Variants in FTO observed in about 807,000 individuals in gnomAD.
FTO encodes alpha-ketoglutarate-dependent dioxygenase FTO.
In FTO, 47 loss-of-function variants were observed where a neutral mutation model predicts 63.9. The ratio of observed to expected loss-of-function variants is 0.74; its 90% CI spans 0.58 to 0.94. FTO has a LOEUF of 0.94. Ranked by LOEUF, FTO falls within the 40% of genes least tolerant of loss-of-function variation. The probability of loss-of-function intolerance (pLI) is 0.00; values close to 1 mark genes in which losing one functional copy is unlikely to be tolerated. For missense variants in FTO, 562 were observed against 618.1 expected (o/e 0.91, Z 0.96); for synonymous variants, 207 against 224.4 (o/e 0.92, Z 0.69).
chr16:54,018,772 A>C (rs1327437583), intron 8 of FTO, among the ~76,000 whole-genome samples: 2 of 152,148 alleles, frequency 1.3e-5, no homozygotes, highest in Non-Finnish European at 2.9e-5. Flanking sequence ...CATGATTGTA[A>C]GTTTCCTGAG....
intron 8 of FTO, among the ~76,000 whole-genome samples, chr16:53,962,579 G>A (rs1172852102): frequency 6.6e-6 from 1 of 152,180 alleles, no homozygotes; most frequent in Non-Finnish European, 1.5e-5. Flanking sequence ...CAAATTTAGG[G>A]ACAGTCCACA....
intron 1 of FTO, among the ~76,000 whole-genome samples, chr16:53,737,945 GTTCT>G (rs1467742435): frequency 2.0e-5 from 3 of 151,280 alleles, no homozygotes; most frequent in East Asian, 1.9e-4. Flanking sequence ...GAATGTATAA[GTTCT>G]TTCTTTCTTT....
chr16:54,021,443 T>C (rs1162876774), intron 8 of FTO, among the ~76,000 whole-genome samples: 1 of 151,646 alleles, frequency 6.6e-6, no homozygotes, highest in Non-Finnish European at 1.5e-5. Flanking sequence ...GGCCATTAGA[T>C]TACATGGCCT....
intron 8 of FTO, among the ~76,000 whole-genome samples, chr16:54,055,690 A>C (rs1251294993): frequency 6.6e-6 from 1 of 152,250 alleles, no homozygotes; most frequent in African/African-American, 2.4e-5. Flanking sequence ...AAAACAAAAC[A>C]GAAACAGAAA....
chr16:54,005,778 G>A (rs1409091862), intron 8 of FTO, among the ~76,000 whole-genome samples: 6 of 152,142 alleles, frequency 3.9e-5, no homozygotes, highest in Admixed American at 1.3e-4. Flanking sequence ...GGACTGGAGC[G>A]GAATTTGGTT....
At chr16:54,078,408 C>T (rs1285994055) in intron 8 of FTO, among the ~76,000 whole-genome samples, 1 of 145,084 alleles carries the variant, frequency 6.9e-6, no homozygotes, top group African/African-American at 2.5e-5. Context: ...TTATAATATA[C>T]ATAAATTATA....
In FTO at chr16:53,831,469, A is replaced by T. The variant is rs2079144417; in HGVS notation, c.751+4978A>T. Among the ~76,000 whole-genome samples, 5 of 152,286 alleles carry T rather than the reference A, an allele frequency of 3.3e-5. No individual in the cohort carries two copies. The South Asian group carries it at 1.0e-3, about 32-fold the overall frequency. On this transcript the variant is annotated intron_variant, in intron 3 of 8. Transcript: ENST00000471389. ...CAAGAAGACCAAAGGGGGGGAAAAA[A>T]CTTATTTGATCTACAAAGTTACATT...
At position 53,984,321 on chromosome 16, in the gene FTO, C is replaced by CCTTTTTTT. The variant is rs1555500067; in HGVS notation, c.1364+50212_1364+50213insCTTTTTTT. On this transcript the variant is annotated intron_variant, in intron 8 of 8. Coordinates refer to ENST00000471389, the MANE Select transcript of FTO (RefSeq NM_001080432.3). ...CCTCTATCCCTCCCTTGGAATGGGT[C>CCTTTTTTT]TTTTTTTTTTTTTTTTTTTTTTTTT... 2.1e-4 allele frequency among the ~76,000 whole-genome samples: 14 copies of CCTTTTTTT among 67,318 alleles called. 1 individual carries two copies. The highest frequency in any genetic ancestry group is 7.8e-4 in the African/African-American group (14 of 17,980). 44.2% of individuals were successfully genotyped at this position (67,318 alleles called of 152,430 possible). A position where few individuals can be genotyped will look rare whatever the true frequency, so the allele number is the denominator to read the frequency against.
chr16:53,921,010 A>G lies in FTO; in HGVS notation c.1240-12975A>G, dbSNP rs547353652. 1.4e-4 allele frequency among the ~76,000 whole-genome samples: 21 copies of G among 152,314 alleles called. No individual in the cohort carries two copies. In the South Asian group the frequency reaches 4.1e-3, roughly 30 times the overall value. The stretch of plus-strand genomic sequence containing the variant: ...AGATATATACAAAGGAGTGAATTAT[A>G]ACAAAGAGCCTTTTCTGCTTCAATT... On this transcript the variant is annotated intron_variant, in intron 7 of 8. Coordinates refer to ENST00000471389, the MANE Select transcript of FTO (RefSeq NM_001080432.3).
chr16:54,111,854 C>T lies in FTO; in HGVS notation c.1457C>T (p.Pro486Leu), dbSNP rs776819552. 13 of 1,614,062 alleles carry T rather than the reference C, an allele frequency of 8.1e-6. No homozygotes were observed. The highest frequency in any genetic ancestry group is 3.3e-5 in the South Asian group (3 of 91,080). ...AAGGATGATGCTTCGATGCCTCTGC[C>T]GTTTGACCTCACAGACATCGTTTCA... ...WEKDDASMPL[P>L]FDLTDIVSEL... Residue 486 changes from proline (P) to leucine (L), a missense_variant, in exon 9 of 9, where the codon CCG (proline) becomes CTG (leucine). Pro to Leu is a moderately conservative substitution (Grantham distance 98, BLOSUM62 -3). Coordinates refer to ENST00000471389, the MANE Select transcript of FTO (RefSeq NM_001080432.3).
At chr16:54,093,677 G>A (rs981696266) in intron 8 of FTO, among the ~76,000 whole-genome samples, 1 of 152,178 alleles carries the variant, frequency 6.6e-6, no homozygotes, top group Non-Finnish European at 1.5e-5. Context: ...AGCAGATGTC[G>A]TCCTTTGATT....
At chr16:53,913,215 T>C (rs989528785) in intron 7 of FTO, among the ~76,000 whole-genome samples, 7 of 152,262 alleles carry the variant, frequency 4.6e-5, no homozygotes, top group African/African-American at 1.7e-4. Context: ...GAAACACTTC[T>C]GTCTTGTCAG....
intron 8 of FTO, among the ~76,000 whole-genome samples, chr16:53,978,035 A>T (rs1124803): frequency 0.6 from 90,855 of 151,326 alleles, 28,347 homozygotes; most frequent in East Asian, 0.84. Flanking sequence ...TTTTAAAAAA[A>T]TTTTTTTTGT....
chr16:54,117,657 G>T lies in FTO; in HGVS notation c.*5742G>T, dbSNP rs1405021237. ...TCTTCACAGCTTCCATTTTTCGCTAGGCGGATGGCATGGAACTTTTTATAA... is the reference window on the plus strand; with the variant it reads ...TCTTCACAGCTTCCATTTTTCGCTATGCGGATGGCATGGAACTTTTTATAA... On this transcript the variant is annotated 3_prime_UTR_variant, in exon 9 of 9. Coordinates refer to ENST00000471389, the MANE Select transcript of FTO (RefSeq NM_001080432.3). 1.3e-5 allele frequency: 2 copies of T among 152,100 alleles called. No individual in the cohort carries two copies. Among genetic ancestry groups the T allele is most frequent in the Admixed American group, 6.5e-5 (1 of 15,282 alleles). 9.4% of individuals were successfully genotyped at this position (152,100 alleles called of 1,614,324 possible).
intron 4 of FTO, among the ~76,000 whole-genome samples, chr16:53,862,249 AAAAC>A (rs544358498): frequency 3.7e-4 from 56 of 152,228 alleles, no homozygotes; most frequent in African/African-American, 1.1e-3. Flanking sequence ...TTCATCTCAA[AAAAC>A]AAACAAACAA....
At chr16:53,706,983 A>C (rs2075638604) in intron 1 of FTO, among the ~76,000 whole-genome samples, 1 of 152,236 alleles carries the variant, frequency 6.6e-6, no homozygotes, top group Non-Finnish European at 1.5e-5. Flanking sequence ...GCCCAGGAGT[A>C]GAATTGCTTA....
chr16:53,738,905 A>G (rs2076456848), intron 1 of FTO, among the ~76,000 whole-genome samples: 1 of 151,984 alleles, frequency 6.6e-6, no homozygotes, highest in Non-Finnish European at 1.5e-5. Flanking sequence ...CAGTGGCAAG[A>G]TCATGATTCA....
At chr16:53,883,646 A>AAAAACAAAC (rs1555489016) in intron 6 of FTO, among the ~76,000 whole-genome samples, 1 of 135,768 alleles carries the variant, frequency 7.4e-6, no homozygotes, top group East Asian at 2.3e-4. Context: ...CAAAAAAAAA[A>AAAAACAAAC]AAACAAATTT....
chr16:53,779,341 T>C (rs1193638913), intron 1 of FTO, among the ~76,000 whole-genome samples: 4 of 152,176 alleles, frequency 2.6e-5, no homozygotes, highest in African/African-American at 7.2e-5. Flanking sequence ...AAAAATTCCA[T>C]CTAAGTGCCT....
Sources: allele counts gnomAD v4.1 joint callset (sites outside exome capture counted in the v4.1 genomes callset), GRCh38; gene constraint gnomAD v4.1.1; transcripts MANE v1.5; gene names NCBI Gene and HGNC (gene_info 2026-07-23, HGNC 2026-07-21).